Variants in ERFE observed in about 807,000 individuals in gnomAD.
ERFE encodes the protein complement C1q tumor necrosis factor-related protein 15.
ERFE carries 25 observed loss-of-function variants against 26.6 expected under a neutral mutation model. The ratio of observed to expected loss-of-function variants is 0.94; its 90% CI spans 0.69 to 1.31. ERFE has a LOEUF of 1.31. ERFE is among the 40% of genes most tolerant of loss of function. ERFE has a pLI of 0.00. For missense variants in ERFE, 447 were observed against 440.2 expected (o/e 1.02, Z -0.14); for synonymous variants, 206 against 204.5 (o/e 1.01, Z -0.06).
At chr2:238,166,907 C>A in intron 7 of ERFE, 49 bp from the exon 8 acceptor site, 1 of 1,498,014 alleles carries the variant, frequency 6.7e-7, no homozygotes, top group Non-Finnish European at 9.1e-7. Flanking sequence ...TGGGTCACCT[C>A]TGCAGGCTGT....
At position 238,161,731 on chromosome 2, in the gene ERFE, C is replaced by T. The variant is rs1559281571; in HGVS notation, c.321+15C>T. The T allele has an allele frequency of 6.5e-7, 1 of 1,536,832 alleles. No homozygotes were observed. The highest frequency in any genetic ancestry group is 8.8e-7 in the Non-Finnish European group (1 of 1,136,180). ...AGAAGCTGAAGGTGAGGCCGGCATCCCGTCAGTGCCAGGCCGTGGGGGGTT... is the reference window on the plus strand; with the variant it reads ...AGAAGCTGAAGGTGAGGCCGGCATCTCGTCAGTGCCAGGCCGTGGGGGGTT... On this transcript the variant is annotated intron_variant, in intron 2 of 7. Transcript: ENST00000546354.
At chr2:238,161,280 C>T (rs1692934457) in intron 1 of ERFE, among the ~76,000 whole-genome samples, 1 of 152,234 alleles carries the variant, frequency 6.6e-6, no homozygotes, top group Non-Finnish European at 1.5e-5. Context: ...GGAGGCCCAG[C>T]AGTACGGGGA....
chr2:238,164,467 C>G (rs1364973913), intron 6 of ERFE, 107 bp downstream of exon 6: 1 of 1,164,762 alleles, frequency 8.6e-7, no homozygotes, highest in Non-Finnish European at 1.2e-6. Context: ...CACACCCCAC[C>G]GTGGCCTAGG....
chr2:238,164,937 C>T (rs752063207), intron 6 of ERFE, among the ~76,000 whole-genome samples: 5 of 152,184 alleles, frequency 3.3e-5, no homozygotes, highest in Non-Finnish European at 1.5e-5. Flanking sequence ...CCTAGGAGGC[C>T]GGGCTCCTCC....
In ERFE at chr2:238,163,887, C is replaced by T; in HGVS notation, c.575C>T (p.Pro192Leu). 7.6e-7 allele frequency: 1 copy of T among 1,316,854 alleles called. No homozygotes were observed. Among genetic ancestry groups the T allele is most frequent in the Non-Finnish European group, 9.6e-7 (1 of 1,041,574 alleles). 81.6% of individuals were successfully genotyped at this position (1,316,854 alleles called of 1,614,324 possible). A position where few individuals can be genotyped will look rare whatever the true frequency, so the allele number is the denominator to read the frequency against. ...GACGTGCTGGCACTGCTGGCCGCGC[C>T]CCTGGCCCCGGGGCCGCGGGCGCCG... ...VGDVLALLAAPLAPGPRAPRV... is the reference protein window; with the variant it reads ...VGDVLALLAALLAPGPRAPRV... The change falls in exon 4 of 8, where the codon CCC becomes CTC. Residue 192 changes from proline to leucine, a missense_variant. By Grantham distance (98) the Pro-to-Leu change is moderately conservative. Transcript: ENST00000546354.
chr2:238,162,869 A>C (rs1692961232), intron 3 of ERFE, 31 bp downstream of exon 3: 2 of 1,506,344 alleles, frequency 1.3e-6, no homozygotes, highest in Non-Finnish European at 1.8e-6. Context: ...GGACACACAC[A>C]CCCCGCTGTG....
chr2:238,166,570 G>A (rs902237344), intron 7 of ERFE, among the ~76,000 whole-genome samples: 4 of 152,236 alleles, frequency 2.6e-5, no homozygotes, highest in Non-Finnish European at 5.9e-5. Context: ...CCAGGCTAGA[G>A]TGCTGGTTTC....
chr2:238,165,621 C>T lies in ERFE; in HGVS notation c.903C>T (p.Ile301=). ...RCQRNASLEA[I]MGLESSSELF... ...TTGGGTACAGCTCCCTGGAGGCCAT[C>T]ATGGGCCTGGAGAGCAGCAGTGAGC... is the stretch of plus-strand genomic sequence containing the variant. The change falls in exon 7 of 8, where the codon ATC becomes ATT. Residue 301 remains isoleucine (I), a synonymous_variant. Coordinates refer to ENST00000546354, the MANE Select transcript of ERFE (RefSeq NM_001291832.2). 1 of 1,548,620 alleles carries T rather than the reference C, an allele frequency of 6.5e-7. No individual in the cohort carries two copies. The highest frequency in any genetic ancestry group is 8.7e-7 in the Non-Finnish European group (1 of 1,145,364).
In ERFE at chr2:238,168,888, G is replaced by A. The variant is rs1484695131; in HGVS notation, c.*1834G>A. 6.3e-6 allele frequency: 1 copy of A among 159,852 alleles called. No homozygotes were observed. Among genetic ancestry groups the A allele is most frequent in the Non-Finnish European group, 1.4e-5 (1 of 72,080 alleles). The allele number at this position is 159,852 out of a possible 1,614,324, so 9.9% of individuals were successfully genotyped here. A position where few individuals can be genotyped will look rare whatever the true frequency, so the allele number is the denominator to read the frequency against. On this transcript the variant is annotated 3_prime_UTR_variant, in exon 8 of 8. Transcript: ENST00000546354. ...ATTGTCTAATAAATACTGCCAAGTG[G>A]AATATATTTATATAACTGACTTCGT... is the stretch of plus-strand genomic sequence containing the variant.
intron 1 of ERFE, among the ~76,000 whole-genome samples, chr2:238,160,689 C>T (rs1420092336): frequency 1.3e-5 from 2 of 152,184 alleles, no homozygotes; most frequent in African/African-American, 2.4e-5. Flanking sequence ...CCCCCCAGAT[C>T]AGCCAGGAAC....
Position 238,168,565 on chromosome 2 carries a change from C to T in ERFE, c.*1511C>T. 2.4e-6 allele frequency: 1 copy of T among 423,624 alleles called. No homozygotes were observed. The highest frequency in any genetic ancestry group is 1.8e-5 in the South Asian group (1 of 56,848). 26.2% of individuals were successfully genotyped at this position (423,624 alleles called of 1,614,324 possible). On this transcript the variant is annotated 3_prime_UTR_variant, in exon 8 of 8. Transcript: ENST00000546354. ...TTCCAAACCCCAACATCGAATCAAA[C>T]ATCTCCATCCCCAAGTGCAGTAACA...
chr2:238,159,468 G>A (rs1559280923), intron 1 of ERFE, among the ~76,000 whole-genome samples: 2 of 152,316 alleles, frequency 1.3e-5, no homozygotes, highest in East Asian at 3.9e-4. Flanking sequence ...CTTTTCTTTT[G>A]GGACAGAAGG....
intron 1 of ERFE, among the ~76,000 whole-genome samples, chr2:238,161,333 G>A (rs1419829341): frequency 6.6e-6 from 1 of 152,210 alleles, no homozygotes; most frequent in Non-Finnish European, 1.5e-5. Context: ...TTCCCTCCAG[G>A]CATCTTGGGT....
intron 6 of ERFE, chr2:238,164,804 T>G (rs113894160): frequency 4.4e-4 from 83 of 187,134 alleles, no homozygotes; most frequent in African/African-American, 1.6e-3. Context: ...TGAGCAGAGA[T>G]AGCGCCACTG....
chr2:238,161,674 C>T lies in ERFE; in HGVS notation c.279C>T (p.Val93=). The change falls in exon 2 of 8, where the codon GTC becomes GTT. Residue 93 remains valine (V), a synonymous_variant. Coordinates refer to ENST00000546354, the MANE Select transcript of ERFE (RefSeq NM_001291832.2). The part of the protein sequence containing the change: ...MLFVRQSDKG[V]NGKKRSRGKA... ...TCGTCAGGCAGAGTGACAAGGGTGTCAATGGCAAGAAGAGGAGCAGGGGCA... is the reference window on the plus strand; with the variant it reads ...TCGTCAGGCAGAGTGACAAGGGTGTTAATGGCAAGAAGAGGAGCAGGGGCA... The T allele has an allele frequency of 1.9e-5, 30 of 1,547,876 alleles. No individual in the cohort carries two copies. The highest frequency in any genetic ancestry group is 2.5e-5 in the Non-Finnish European group (29 of 1,144,932).
In ERFE at chr2:238,159,154, G is replaced by A; in HGVS notation, c.147G>A (p.Glu49=). 4.7e-6 allele frequency: 1 copy of A among 211,704 alleles called. No individual in the cohort carries two copies. Among genetic ancestry groups the A allele is most frequent in the Non-Finnish European group, 9.2e-6 (1 of 108,874 alleles). The allele number at this position is 211,704 out of a possible 1,614,324, so 13.1% of individuals were successfully genotyped here. ...RARREPPPGN[E]LPRGPGESRA... ...GCAGGGAGCCGCCGCCCGGGAACGAGCTGCCCCGGGGCCCCGGGGAGAGCC... is the reference window on the plus strand; with the variant it reads ...GCAGGGAGCCGCCGCCCGGGAACGAACTGCCCCGGGGCCCCGGGGAGAGCC... Residue 49 remains glutamate (E), a synonymous_variant, in exon 1 of 8, where the codon GAG becomes GAA. Coordinates refer to ENST00000546354, the MANE Select transcript of ERFE (RefSeq NM_001291832.2).
At position 238,164,110 on chromosome 2, in the gene ERFE, C is replaced by A; in HGVS notation, c.723C>A (p.Gly241=). ...AGGGTGCCTTCCGCCGCGGCCCGGG[C>A]CTGAACTTGACCAGCGGCCAGTACA... ...DAEGAFRRGP[G]LNLTSGQYRA... The change falls in exon 5 of 8, where the codon GGC becomes GGA. Residue 241 remains glycine, a synonymous_variant. Transcript: ENST00000546354. 6.9e-7 allele frequency: 1 copy of A among 1,450,912 alleles called. No homozygotes were observed. The highest frequency in any genetic ancestry group is 1.3e-5 in the South Asian group (1 of 74,672). 89.9% of individuals were successfully genotyped at this position (1,450,912 alleles called of 1,614,324 possible).
At position 238,167,120 on chromosome 2, in the gene ERFE, T is replaced by C; in HGVS notation, c.*66T>C. ...ACAGATCTAGACAATGTGTGGACAG[T>C]GTCAGAGTAGCAGTGGCCACATGGA... On this transcript the variant is annotated 3_prime_UTR_variant, in exon 8 of 8. Transcript: ENST00000546354. 1 of 1,485,022 alleles carries C rather than the reference T, an allele frequency of 6.7e-7. No individual in the cohort carries two copies. The highest frequency in any genetic ancestry group is 1.2e-5 in the South Asian group (1 of 82,938). The allele number at this position is 1,485,022 out of a possible 1,614,324, so 92.0% of individuals were successfully genotyped here.
chr2:238,160,613 C>T (rs1191880234), intron 1 of ERFE, among the ~76,000 whole-genome samples: 1 of 152,190 alleles, frequency 6.6e-6, no homozygotes, highest in Non-Finnish European at 1.5e-5. Context: ...CCGCAGCCCC[C>T]ATCTTCCCAC....
Sources: gnomAD v4.1 joint callset for allele counts (sites outside exome capture counted in the v4.1 genomes callset) on GRCh38, gnomAD v4.1.1 for gene constraint, MANE v1.5 for transcripts, NCBI Gene and HGNC (gene_info 2026-07-23, HGNC 2026-07-21) for gene names.